NRG1: variants seen among roughly 807,000 people sequenced by gnomAD.
NRG1 encodes the protein pro-neuregulin-1, membrane-bound isoform.
NRG1 carries 18 observed loss-of-function variants against 63.8 expected under a neutral mutation model. The ratio of observed to expected loss-of-function variants is 0.28; its 90% CI spans 0.19 to 0.42. NRG1 has a LOEUF of 0.42. Ranked by LOEUF, NRG1 falls within the 10% of genes least tolerant of loss-of-function variation. The pLI is 1.00. For synonymous variants in NRG1, 302 were observed against 301.3 expected (o/e 1.00, Z -0.02); for missense variants, 762 against 814.7 (o/e 0.94, Z 0.79).
At chr8:32,463,056 G>A (rs546358944) in intron 1 of NRG1, among the ~76,000 whole-genome samples, 26 of 149,918 alleles carry the variant, frequency 1.7e-4, no homozygotes, top group East Asian at 3.9e-4. Context: ...AAGTAAGATC[G>A]TGCAGTAGTT....
At chr8:32,169,736 C>A (rs553127527) in intron 1 of NRG1, among the ~76,000 whole-genome samples, 33 of 152,204 alleles carry the variant, frequency 2.2e-4, no homozygotes, top group African/African-American at 7.9e-4. Context: ...ACAAAGAAAA[C>A]ACAAACACAC....
chr8:31,721,853 CCTT>C (rs1356116131), intron 1 of NRG1, among the ~76,000 whole-genome samples: 1 of 152,092 alleles, frequency 6.6e-6, no homozygotes, highest in Admixed American at 6.6e-5. Flanking sequence ...TACTCGCTCA[CCTT>C]CTATTTCTTA....
At chr8:32,771,299 T>C (rs1831771709), downstream of NRG1, among the ~76,000 whole-genome samples, 2 of 90,678 alleles carry the variant, frequency 2.2e-5, no homozygotes, top group African/African-American at 7.0e-5. Context: ...TTTTTTTTTT[T>C]TTTTTTGGTA....
chr8:31,752,334 A>T (rs1341624905), intron 1 of NRG1, among the ~76,000 whole-genome samples: 4 of 152,018 alleles, frequency 2.6e-5, no homozygotes, highest in African/African-American at 9.7e-5. Context: ...GATTAGATTT[A>T]AAGGTTGATT....
At chr8:32,207,642 G>A (rs1416889423) in intron 1 of NRG1, among the ~76,000 whole-genome samples, 2 of 152,144 alleles carry the variant, frequency 1.3e-5, no homozygotes, top group Non-Finnish European at 2.9e-5. Context: ...AGCATATGGG[G>A]AGCCTTCCTG....
At chr8:31,670,571 G>GTTT (rs35693427) in intron 1 of NRG1, among the ~76,000 whole-genome samples, 1 of 146,172 alleles carries the variant, frequency 6.8e-6, no homozygotes. Context: ...CATTCTCTTT[G>GTTT]TTTTTTTTTT....
chr8:31,779,509 T>A lies in NRG1; in HGVS notation c.37+140078T>A, dbSNP rs574704505. Among the ~76,000 whole-genome samples the A allele has an allele frequency of 2.6e-5, 4 of 152,042 alleles. No homozygotes were observed. The South Asian group carries it at 6.2e-4, about 24-fold the overall frequency. ...CTGGCATTTTGTGCTATGTTGTGAG[T>A]AAGACATTTATAGTTATTGAGCCAA... On this transcript the variant is annotated intron_variant, in intron 1 of 10. Transcript: ENST00000519301.
intron 1 of NRG1, among the ~76,000 whole-genome samples, chr8:32,049,585 A>G (rs1821644826): frequency 6.6e-6 from 1 of 152,178 alleles, no homozygotes; most frequent in South Asian, 2.1e-4. Context: ...GCATGAAATG[A>G]TATCTAACAG....
At chr8:32,245,533 A>G (rs1446586875) in intron 1 of NRG1, among the ~76,000 whole-genome samples, 1 of 152,182 alleles carries the variant, frequency 6.6e-6, no homozygotes, top group Non-Finnish European at 1.5e-5. Flanking sequence ...ATGAAACTGT[A>G]TAATATGGCT....
intron 1 of NRG1, among the ~76,000 whole-genome samples, chr8:32,520,816 T>C (rs1001714096): frequency 6.6e-6 from 1 of 152,166 alleles, no homozygotes; most frequent in African/African-American, 2.4e-5. Context: ...TAGAGTGAAA[T>C]CTCGCCCATC....
intron 1 of NRG1, among the ~76,000 whole-genome samples, chr8:31,924,646 A>G (rs1341992489): frequency 8.7e-6 from 1 of 114,382 alleles, no homozygotes; most frequent in Non-Finnish European, 1.9e-5. Flanking sequence ...TCTCATTTCT[A>G]TTTCCTTTGG....
At chr8:31,893,648 G>A (rs1257058778) in intron 1 of NRG1, among the ~76,000 whole-genome samples, 2 of 151,162 alleles carry the variant, frequency 1.3e-5, no homozygotes, top group Non-Finnish European at 3.0e-5. Context: ...TTATAAATAA[G>A]CAAATTTTGA....
intron 1 of NRG1, among the ~76,000 whole-genome samples, chr8:32,082,565 C>A (rs761063861): frequency 7.2e-5 from 11 of 152,116 alleles, no homozygotes; most frequent in Non-Finnish European, 7.4e-5. Flanking sequence ...CTTGAGCATG[C>A]CTCTAGAACT....
chr8:32,658,977 G>C (rs997241041), intron 5 of NRG1, among the ~76,000 whole-genome samples: 2 of 152,190 alleles, frequency 1.3e-5, no homozygotes, highest in African/African-American at 2.4e-5. Context: ...TCAAGGATGA[G>C]AGGTGAATGA....
chr8:32,552,387 A>G (rs1416279868), intron 1 of NRG1, among the ~76,000 whole-genome samples: 2 of 151,960 alleles, frequency 1.3e-5, no homozygotes, highest in Non-Finnish European at 2.9e-5. Flanking sequence ...CAGATTCTAG[A>G]ACTATCCTGT....
chr8:32,248,052 T>A (rs1476140215), intron 1 of NRG1, among the ~76,000 whole-genome samples: 1 of 152,118 alleles, frequency 6.6e-6, no homozygotes, highest in Non-Finnish European at 1.5e-5. Flanking sequence ...TTTACAACTT[T>A]CTACGTCTAT....
At chr8:31,839,550 A>C (rs1271600511) in intron 1 of NRG1, among the ~76,000 whole-genome samples, 2 of 152,146 alleles carry the variant, frequency 1.3e-5, no homozygotes, top group African/African-American at 4.8e-5. Context: ...GATATGAGTC[A>C]AGGGTATCCT....
intron 1 of NRG1, among the ~76,000 whole-genome samples, chr8:31,655,422 A>G (rs1805336131): frequency 6.6e-6 from 1 of 152,216 alleles, no homozygotes; most frequent in Admixed American, 6.5e-5. Flanking sequence ...TTTTTGAGAA[A>G]GAAGCATTTC....
At chr8:32,716,719 C>A (rs1370654290) in intron 5 of NRG1, among the ~76,000 whole-genome samples, 1 of 152,066 alleles carries the variant, frequency 6.6e-6, no homozygotes. Context: ...CTTCCACATG[C>A]CCTTTTTTGG....
Sources: allele counts gnomAD v4.1 joint callset (sites outside exome capture counted in the v4.1 genomes callset), GRCh38; gene constraint gnomAD v4.1.1; transcripts MANE v1.5; gene names NCBI Gene and HGNC (gene_info 2026-07-23, HGNC 2026-07-21).